The following VPS33A variants were observed in gnomAD, a reference collection of about 807,000 sequenced individuals.
VPS33A encodes the protein vacuolar protein sorting-associated protein 33A.
In VPS33A, 32 loss-of-function variants were observed where a neutral mutation model predicts 71.8. The ratio of observed to expected loss-of-function variants is 0.45; its 90% CI spans 0.34 to 0.60. The LOEUF is 0.60. Among genes scored for constraint, VPS33A ranks in the 20% least tolerant of loss-of-function variants. The probability of loss-of-function intolerance (pLI) is 0.02; values close to 1 mark genes in which losing one functional copy is unlikely to be tolerated. For synonymous variants in VPS33A, 311 were observed against 292.7 expected, an observed-to-expected ratio of 1.06 and a Z score of -0.64; for missense variants, 625 against 748.5, an observed-to-expected ratio of 0.84 and a Z score of 1.92.
intron 9 of VPS33A, 40 bp downstream of exon 9, chr12:122,239,838 C>T (rs1593197824): frequency 1.4e-6 from 2 of 1,406,026 alleles, no homozygotes; most frequent in Non-Finnish European, 2.0e-6. Context: ...GTTTAATAAG[C>T]TTTCAATTAC....
At chr12:122,240,026 G>T in intron 8 of VPS33A, 81 bp from the exon 9 acceptor site, 2 of 1,106,946 alleles carry the variant, frequency 1.8e-6, no homozygotes, top group Non-Finnish European at 1.4e-6. Flanking sequence ...CACAGAGCAC[G>T]ATTCAGAAAC....
At chr12:122,239,993 TA>T in intron 8 of VPS33A, 48 bp from the exon 9 acceptor site, 3 of 1,402,286 alleles carry the variant, frequency 2.1e-6, no homozygotes, top group Non-Finnish European at 3.0e-6. Flanking sequence ...AATGTTAATT[TA>T]CTTGAGTGGC....
chr12:122,265,830 C>A, intron 1 of VPS33A: 2 of 402,570 alleles, frequency 5.0e-6, no homozygotes, highest in South Asian at 1.7e-5. Flanking sequence ...AGAAGTTATA[C>A]TGTTTTAGGA....
At chr12:122,265,723 A>T (rs1440838522) in intron 1 of VPS33A, 1 of 454,576 alleles carries the variant, frequency 2.2e-6, no homozygotes, top group South Asian at 1.6e-5. Context: ...TGACTGATAA[A>T]CCCTAAGGGG....
chr12:122,259,183 A>ATGTATGTG (rs1469776344), intron 4 of VPS33A, among the ~76,000 whole-genome samples: 2 of 102,936 alleles, frequency 1.9e-5, no homozygotes, highest in African/African-American at 6.3e-5. Context: ...GTGTGTATGT[A>ATGTATGTG]TGTGTGTATG....
At chr12:122,258,806 C>T (rs900163643) in intron 4 of VPS33A, among the ~76,000 whole-genome samples, 1 of 151,712 alleles carries the variant, frequency 6.6e-6, no homozygotes, top group Admixed American at 6.6e-5. Context: ...CATGGCGAAA[C>T]CCCATCTCCA....
intron 7 of VPS33A, among the ~76,000 whole-genome samples, chr12:122,243,445 C>T (rs146192078): frequency 2.4e-4 from 37 of 152,132 alleles, no homozygotes; most frequent in Admixed American, 5.2e-4. Flanking sequence ...TGCTGTGTTG[C>T]CCAGGCTGGT....
chr12:122,244,534 T>TA, intron 7 of VPS33A, 35 bp downstream of exon 7: 1 of 1,558,816 alleles, frequency 6.4e-7, no homozygotes, highest in Non-Finnish European at 8.8e-7. Flanking sequence ...ACCTGAGGCC[T>TA]AGAGTTGCAG....
chr12:122,242,962 G>C (rs1015552502), intron 7 of VPS33A, among the ~76,000 whole-genome samples: 3 of 152,120 alleles, frequency 2.0e-5, no homozygotes, highest in Non-Finnish European at 4.4e-5. Flanking sequence ...TAAAAAAAGA[G>C]AAAAGAAAAG....
At chr12:122,265,590 A>C (rs1955056935) in intron 1 of VPS33A, 3 of 340,242 alleles carry the variant, frequency 8.8e-6, no homozygotes, top group Admixed American at 6.6e-5. Context: ...GGCCCCTATG[A>C]TGTAGACTGC....
rs781643343 is a variant in VPS33A, at chr12:122,232,339, C to A, written c.1698G>T (p.Gln566His). 6.2e-7 allele frequency: 1 copy of A among 1,614,102 alleles called. No individual in the cohort carries two copies. ...CATATTCTGTACCTCCATCTTCCAA[C>A]TGGGAGAGAAATCGCAGGGCAGCAA... is the stretch of plus-strand genomic sequence containing the variant. ...AEIAALRFLS[Q>H]LEDGGTEYVI... The change falls in exon 13 of 13, where the codon CAG (glutamine) becomes CAT (histidine). Residue 566 changes from glutamine to histidine, a missense_variant. Coordinates refer to ENST00000267199, the MANE Select transcript of VPS33A (RefSeq NM_022916.6).
chr12:122,239,749 CAAAAAAAAAAAAAAAAA>C (rs5801475), intron 9 of VPS33A, 112 bp downstream of exon 9: 89 of 195,252 alleles, frequency 4.6e-4, no homozygotes, highest in South Asian at 6.4e-4. Flanking sequence ...GACTCCGTCT[CAAAAAAAAAAAAAAAAA>C]AAAAAAAAAA....
intron 4 of VPS33A, 108 bp from the exon 5 acceptor site, chr12:122,251,207 A>T (rs980882820): frequency 1.1e-5 from 8 of 748,210 alleles, no homozygotes; most frequent in Non-Finnish European, 1.8e-5. Context: ...ATTTCCAGTT[A>T]TTTCACACTG....
chr12:122,237,705 G>A (rs1230869721), intron 10 of VPS33A, among the ~76,000 whole-genome samples: 1 of 70,078 alleles, frequency 1.4e-5, no homozygotes, highest in Non-Finnish European at 2.4e-5. Flanking sequence ...CACCGCGCCC[G>A]GCTAATTTTT....
chr12:122,251,404 CG>C, intron 4 of VPS33A, among the ~76,000 whole-genome samples: 1 of 152,248 alleles, frequency 6.6e-6, no homozygotes. Flanking sequence ...AAATAAAAGA[CG>C]GAAGAATACA....
intron 1 of VPS33A, among the ~76,000 whole-genome samples, chr12:122,265,985 G>T (rs1452045831): frequency 1.1e-4 from 17 of 152,222 alleles, no homozygotes; most frequent in Admixed American, 1.0e-3. Context: ...CACATTCTTG[G>T]ACCGCTCACC....
Position 122,233,282 on chromosome 12 carries a change from G to A in VPS33A, c.1441-314C>T, listed in dbSNP as rs567334953. On this transcript the variant is annotated intron_variant, in intron 11 of 12. Coordinates refer to ENST00000267199, the MANE Select transcript of VPS33A (RefSeq NM_022916.6). ...GCTCTGTCACCCAGGCTGGAGTGCA[G>A]TGGCATAATTTCAGCTCACTGCAAC... Among the ~76,000 whole-genome samples, 65 of 151,550 alleles carry A rather than the reference G, an allele frequency of 4.3e-4. 1 individual carries two copies. The South Asian group carries it at 0.013, about 30-fold the overall frequency.
At chr12:122,246,126 T>A (rs1954772798) in intron 6 of VPS33A, among the ~76,000 whole-genome samples, 1 of 152,122 alleles carries the variant, frequency 6.6e-6, no homozygotes, top group South Asian at 2.1e-4. Context: ...TTTGGCAACA[T>A]GTACCAAGTG....
At chr12:122,247,890 T>C (rs566484264) in intron 6 of VPS33A, among the ~76,000 whole-genome samples, 1 of 152,044 alleles carries the variant, frequency 6.6e-6, no homozygotes, top group Non-Finnish European at 1.5e-5. Flanking sequence ...TTTAAAAAAA[T>C]TTTCACCTAT....
Sources: allele counts gnomAD v4.1 joint callset (sites outside exome capture counted in the v4.1 genomes callset), GRCh38; gene constraint gnomAD v4.1.1; transcripts MANE v1.5; gene names NCBI Gene and HGNC (gene_info 2026-07-23, HGNC 2026-07-21).